Variants in JMJD1C observed in about 807,000 individuals in gnomAD.
JMJD1C encodes the protein jumonji domain containing 1C.
Under a neutral mutation model 245.3 loss-of-function variants are expected in JMJD1C, and 31 were observed. The ratio of observed to expected loss-of-function variants is 0.13; its 90% CI spans 0.09 to 0.17. The LOEUF (loss-of-function observed/expected upper bound fraction) is 0.17. Among genes scored for constraint, JMJD1C ranks in the 10% least tolerant of loss-of-function variants. The probability of loss-of-function intolerance (pLI) is 1.00; values close to 1 mark genes in which losing one functional copy is unlikely to be tolerated. For synonymous variants in JMJD1C, 1,057 were observed against 1,017.4 expected (o/e 1.04, Z -0.74); for missense variants, 2,691 against 3,000.2 (o/e 0.90, Z 2.41).
At chr10:63,305,375 AAC>A in intron 2 of JMJD1C, among the ~76,000 whole-genome samples, 1 of 89,940 alleles carries the variant, frequency 1.1e-5, no homozygotes, top group African/African-American at 3.0e-5. Context: ...TCAAAAAAAA[AAC>A]AAAAAACAAA....
intron 2 of JMJD1C, among the ~76,000 whole-genome samples, chr10:63,306,221 C>T (rs1938205337): frequency 6.6e-6 from 1 of 152,114 alleles, no homozygotes; most frequent in Admixed American, 6.6e-5. Flanking sequence ...TCCAGTGTAG[C>T]TGGGACTACA....
chr10:63,185,044 C>A (rs182525803), intron 20 of JMJD1C, among the ~76,000 whole-genome samples: 1 of 150,608 alleles, frequency 6.6e-6, no homozygotes, highest in South Asian at 2.1e-4. Context: ...CGTGAGCCAC[C>A]GTGCCCAGCC....
intron 2 of JMJD1C, among the ~76,000 whole-genome samples, chr10:63,288,473 G>C (rs1350654519): frequency 1.3e-5 from 2 of 152,154 alleles, no homozygotes; most frequent in Non-Finnish European, 2.9e-5. Context: ...TTTAGGTTTT[G>C]GGGTAGATGT....
chr10:63,388,123 C>T (rs1947775646), intron 1 of JMJD1C, among the ~76,000 whole-genome samples: 1 of 152,044 alleles, frequency 6.6e-6, no homozygotes, highest in South Asian at 2.1e-4. Context: ...TTTAGATACT[C>T]AGATAAAGCA....
At position 63,186,340 on chromosome 10, in the gene JMJD1C, A is replaced by T; in HGVS notation, c.6614T>A (p.Leu2205Gln). The T allele has an allele frequency of 6.2e-7, 1 of 1,613,482 alleles. No homozygotes were observed. The highest frequency in any genetic ancestry group is 8.5e-7 in the Non-Finnish European group (1 of 1,179,706). ...SGVHKKMNISLWKAESISLDF... is the reference protein window; with the variant it reads ...SGVHKKMNISQWKAESISLDF... ...AAGACTAATTGATTCCGCCTTCCATAGGCTAATGTTCATTTTCTTATGCAC... is the reference window on the plus strand; with the variant it reads ...AAGACTAATTGATTCCGCCTTCCATTGGCTAATGTTCATTTTCTTATGCAC... The change falls in exon 19 of 26, where the codon CTA (leucine) becomes CAA (glutamine). Residue 2205 changes from leucine (L) to glutamine (Q), a missense_variant. Leu to Gln is a moderately radical substitution (Grantham distance 113). Coordinates refer to ENST00000399262, the MANE Select transcript of JMJD1C (RefSeq NM_032776.3).
intron 2 of JMJD1C, among the ~76,000 whole-genome samples, chr10:63,308,278 T>C (rs1322102196): frequency 6.6e-6 from 1 of 152,208 alleles, no homozygotes; most frequent in Non-Finnish European, 1.5e-5. Flanking sequence ...ATGTAGGAGA[T>C]GGATTTCTTC....
chr10:63,380,728 A>G (rs1444663780), intron 1 of JMJD1C, among the ~76,000 whole-genome samples: 1 of 152,200 alleles, frequency 6.6e-6, no homozygotes, highest in Non-Finnish European at 1.5e-5. Flanking sequence ...ATTGCTAACT[A>G]TGGTTACCAT....
At chr10:63,191,459 A>T (rs781149319) in intron 16 of JMJD1C, among the ~76,000 whole-genome samples, 1 of 152,130 alleles carries the variant, frequency 6.6e-6, no homozygotes, top group Admixed American at 6.5e-5. Flanking sequence ...TCTATTAAGC[A>T]TGGTGCTAAA....
chr10:63,391,654 G>A (rs1220668444), intron 1 of JMJD1C, among the ~76,000 whole-genome samples: 3 of 152,034 alleles, frequency 2.0e-5, no homozygotes, highest in Non-Finnish European at 4.4e-5. Context: ...TGAAACTGAA[G>A]ACACAAATAG....
rs78349451 is a variant in JMJD1C at position 63,226,225 on chromosome 10, C to T, written c.448-6242G>A. Reference sequence around the variant, plus strand: ...CATATAGAAATAGTCAAATACTCATCAAAGAGAGGAGACTTAGGGTGGCAA... The same window carrying T: ...CATATAGAAATAGTCAAATACTCATTAAAGAGAGGAGACTTAGGGTGGCAA... On this transcript the variant is annotated intron_variant, in intron 3 of 25. Transcript: ENST00000399262. Among the ~76,000 whole-genome samples the T allele has an allele frequency of 5.9e-3, 896 of 152,218 alleles. 6 individuals are homozygous for T. Among genetic ancestry groups the T allele is most frequent in the African/African-American group, 0.021 (872 of 41,514 alleles).
chr10:63,209,021 A>G, intron 9 of JMJD1C, 42 bp downstream of exon 9: 1 of 1,494,676 alleles, frequency 6.7e-7, no homozygotes. Flanking sequence ...AAGAAAAATT[A>G]TGAACAAGGT....
intron 2 of JMJD1C, among the ~76,000 whole-genome samples, chr10:63,364,195 G>A (rs1489743829): frequency 6.6e-6 from 1 of 152,076 alleles, no homozygotes; most frequent in Admixed American, 6.5e-5. Context: ...TTTATGTACA[G>A]ATGAGGACTT....
chr10:63,331,961 G>A (rs1466728792), intron 2 of JMJD1C, among the ~76,000 whole-genome samples: 6 of 151,820 alleles, frequency 4.0e-5, no homozygotes, highest in African/African-American at 1.5e-4. Flanking sequence ...ATATTCCCAG[G>A]GTATACACAT....
intron 13 of JMJD1C, among the ~76,000 whole-genome samples, chr10:63,195,702 A>G (rs1845379467): frequency 6.6e-6 from 1 of 152,124 alleles, no homozygotes; most frequent in Non-Finnish European, 1.5e-5. Flanking sequence ...GCACTTTGGG[A>G]GGCTGAGGTG....
chr10:63,464,553 T>C (rs1953048229), intron 1 of JMJD1C, among the ~76,000 whole-genome samples: 1 of 152,190 alleles, frequency 6.6e-6, no homozygotes, highest in South Asian at 2.1e-4. Flanking sequence ...GTCTAGTCCA[T>C]GTCTTGTCTC....
At chr10:63,464,569 C>T (rs532492428) in intron 1 of JMJD1C, among the ~76,000 whole-genome samples, 1 of 152,216 alleles carries the variant, frequency 6.6e-6, no homozygotes, top group South Asian at 2.1e-4. Context: ...GTCTCTACTC[C>T]GCCCCTTACC....
intron 2 of JMJD1C, among the ~76,000 whole-genome samples, chr10:63,299,144 A>T (rs1050755655): frequency 6.6e-6 from 1 of 152,222 alleles, no homozygotes; most frequent in African/African-American, 2.4e-5. Flanking sequence ...AAAGTTTAGA[A>T]ATAAAGATAT....
chr10:63,190,886 T>C lies in JMJD1C; in HGVS notation c.6291+8A>G. On this transcript the variant is annotated splice_region_variant and intron_variant, in intron 17 of 25. Transcript: ENST00000399262. ...CCACATTAAAACCAAAAATCTGGCA[T>C]CACTCACTGGGGCTCCCATTGAATA... The C allele has an allele frequency of 6.2e-7, 1 of 1,612,424 alleles. No homozygotes were observed. Among genetic ancestry groups the C allele is most frequent in the Non-Finnish European group, 8.5e-7 (1 of 1,178,466 alleles).
chr10:63,234,260 C>G (rs1850378718), intron 3 of JMJD1C, among the ~76,000 whole-genome samples: 1 of 151,952 alleles, frequency 6.6e-6, no homozygotes, highest in Non-Finnish European at 1.5e-5. Context: ...CTTTGGGAGG[C>G]TGAGGCAGGT....
Sources: allele counts gnomAD v4.1 joint callset (sites outside exome capture counted in the v4.1 genomes callset), GRCh38; gene constraint gnomAD v4.1.1; transcripts MANE v1.5; gene names NCBI Gene and HGNC (gene_info 2026-07-23, HGNC 2026-07-21).